The following ZNF114 variants were observed in gnomAD, a reference collection of about 807,000 sequenced individuals.
ZNF114 encodes zinc finger protein 114 (Y18).
In ZNF114, 8 loss-of-function variants were observed where a neutral mutation model predicts 6.8. The observed-to-expected ratio is 1.18, with a 90% confidence interval of 0.69 to 2.13. ZNF114 has a LOEUF of 2.13. Ranked by LOEUF, ZNF114 falls within the 30% of genes most tolerant of loss-of-function variation. The probability of loss-of-function intolerance (pLI) is 0.00; values close to 1 mark genes in which losing one functional copy is unlikely to be tolerated. For synonymous variants in ZNF114, 169 were observed against 185.5 expected (o/e 0.91, Z 0.72); for missense variants, 472 against 519.5 (o/e 0.91, Z 0.89).
chr19:48,277,399 G>T (rs75538939), intron 3 of ZNF114, among the ~76,000 whole-genome samples: 25,504 of 152,076 alleles, frequency 0.17, 2,381 homozygotes, highest in Non-Finnish European at 0.21. Flanking sequence ...GTAGTTTTCC[G>T]TCATCCGTAA....
At chr19:48,279,623 G>T (rs1367938493) in intron 3 of ZNF114, 108 bp from the exon 4 acceptor site, 1 of 715,642 alleles carries the variant, frequency 1.4e-6, no homozygotes, top group South Asian at 1.7e-5. Context: ...GTGGGGAAGT[G>T]TGTGCACACG....
At chr19:48,285,588 AAAG>A (rs1045741843) in intron 5 of ZNF114, among the ~76,000 whole-genome samples, 170 bp from the exon 6 acceptor site, 14 of 149,816 alleles carry the variant, frequency 9.3e-5, no homozygotes, top group African/African-American at 2.0e-4. Flanking sequence ...AAGAAAGAGA[AAAG>A]AAAGAAAGGA....
chr19:48,280,254 C>T (rs573365026), intron 4 of ZNF114, among the ~76,000 whole-genome samples: 2 of 152,080 alleles, frequency 1.3e-5, no homozygotes, highest in African/African-American at 4.8e-5. Flanking sequence ...TGTGGTGGTG[C>T]ACGGCTGTCG....
intron 3 of ZNF114, among the ~76,000 whole-genome samples, chr19:48,277,798 T>G (rs1027480521): frequency 1.6e-5 from 2 of 125,982 alleles, no homozygotes; most frequent in Non-Finnish European, 3.2e-5. Context: ...GCATTGGGTG[T>G]GTGTGTGTGT....
chr19:48,274,504 ATATTT>A (rs1317869528), intron 3 of ZNF114, among the ~76,000 whole-genome samples: 28 of 11,844 alleles, frequency 2.4e-3, no homozygotes, highest in African/African-American at 6.9e-3. Flanking sequence ...ATATATATAT[ATATTT>A]TTTTTTTTTT....
At chr19:48,272,373 T>C (rs1342874366) in intron 3 of ZNF114, among the ~76,000 whole-genome samples, 15 of 143,968 alleles carry the variant, frequency 1.0e-4, no homozygotes, top group East Asian at 6.3e-4. Context: ...AATCGAGCCA[T>C]TGCACTCCAG....
At chr19:48,283,210 T>C (rs1181356803) in intron 5 of ZNF114, among the ~76,000 whole-genome samples, 2 of 152,122 alleles carry the variant, frequency 1.3e-5, no homozygotes, top group African/African-American at 4.8e-5. Context: ...CTCTTCGTGA[T>C]TGAACAGAAT....
At chr19:48,285,668 G>A (rs1968101927) in intron 5 of ZNF114, 93 bp from the exon 6 acceptor site, 1 of 1,301,064 alleles carries the variant, frequency 7.7e-7, no homozygotes, top group African/African-American at 1.5e-5. Flanking sequence ...AAGAAAGAAA[G>A]AGAGAAATCC....
At chr19:48,285,692 C>G in intron 5 of ZNF114, 69 bp from the exon 6 acceptor site, 1 of 1,499,866 alleles carries the variant, frequency 6.7e-7, no homozygotes, top group Admixed American at 2.3e-5. Flanking sequence ...CGGAGATTGC[C>G]TATGTCATCA....
In ZNF114 at chr19:48,286,876, T is replaced by C. The variant is rs140343184; in HGVS notation, c.1252T>C (p.Ter418ArgextTer17). 1.8e-5 allele frequency: 28 copies of C among 1,552,000 alleles called. No individual in the cohort carries two copies. Among genetic ancestry groups the C allele is most frequent in the South Asian group, 3.8e-5 (3 of 79,692 alleles). The part of the protein sequence containing the change: ...KTHKDEKPCE[*>R] ...TCACAAAGATGAGAAGCCCTGTGAATGAAAGGAAGGTGGAAAATTTTTCAT... is the reference window on the plus strand; with the variant it reads ...TCACAAAGATGAGAAGCCCTGTGAACGAAAGGAAGGTGGAAAATTTTTCAT... Residue 418 changes from the stop codon to arginine (R), a stop_lost, in exon 6 of 6, where the codon TGA becomes CGA. Transcript: ENST00000595607.
At chr19:48,272,463 G>A (rs1473281413) in intron 3 of ZNF114, among the ~76,000 whole-genome samples, 3 of 145,356 alleles carry the variant, frequency 2.1e-5, no homozygotes, top group African/African-American at 7.6e-5. Context: ...GCATGGTGGC[G>A]GGCGCCTGTG....
rs372518336 is a variant in ZNF114, at chr19:48,286,788, T to A, written c.1164T>A (p.Tyr388Ter). 22 of 1,610,534 alleles carry A rather than the reference T, an allele frequency of 1.4e-5. No individual in the cohort carries two copies. Among genetic ancestry groups the A allele is most frequent in the Non-Finnish European group, 1.9e-5 (22 of 1,179,224 alleles). ...HIRSHTGEKP[Y>*]KCKTCGKDFA... The stretch of plus-strand genomic sequence containing the variant: ...GGAGCCACACTGGAGAGAAACCCTA[T>A]AAATGTAAGACATGTGGAAAAGACT... The change falls in exon 6 of 6, where the codon TAT becomes TAA. Residue 388 changes from tyrosine to a stop codon, truncating the protein, a stop_gained. Transcript: ENST00000595607. LOFTEE classifies it low-confidence loss of function (END_TRUNC).
intron 1 of ZNF114, among the ~76,000 whole-genome samples, chr19:48,270,807 G>C (rs553351930): frequency 5.9e-5 from 9 of 152,132 alleles, no homozygotes; most frequent in Non-Finnish European, 1.0e-4. Context: ...GGCCGGGCGC[G>C]GTGGCTCACG....
At chr19:48,278,324 C>T (rs1967902335) in intron 3 of ZNF114, among the ~76,000 whole-genome samples, 1 of 152,184 alleles carries the variant, frequency 6.6e-6, no homozygotes, top group Non-Finnish European at 1.5e-5. Context: ...TTTCCATCAC[C>T]CCTGAAAGAA....
At chr19:48,270,562 GAAAGAAA>G (rs1003160254) in intron 1 of ZNF114, among the ~76,000 whole-genome samples, 2 of 127,848 alleles carry the variant, frequency 1.6e-5, no homozygotes, top group African/African-American at 6.0e-5. Flanking sequence ...GGAAGAAAGA[GAAAGAAA>G]AAAGAAAGAA....
At chr19:48,273,906 C>T (rs1276855935) in intron 3 of ZNF114, among the ~76,000 whole-genome samples, 2 of 151,542 alleles carry the variant, frequency 1.3e-5, no homozygotes, top group Non-Finnish European at 2.9e-5. Flanking sequence ...TACAGGCGCC[C>T]GCCACCACGC....
intron 4 of ZNF114, 92 bp downstream of exon 4, chr19:48,279,900 A>G: frequency 6.3e-7 from 1 of 1,597,308 alleles, no homozygotes; most frequent in Non-Finnish European, 8.6e-7. Context: ...GGTAAAGCAC[A>G]TGGAGCCAGG....
rs529594143 is a variant in ZNF114, at chr19:48,279,161, TA to T, written c.-69-561del. 1.7e-4 allele frequency among the ~76,000 whole-genome samples: 26 copies of T among 149,530 alleles called. 1 individual carries two copies. Among genetic ancestry groups the T allele is most frequent in the East Asian group, 1.2e-3 (6 of 5,008 alleles). On this transcript the variant is annotated intron_variant, in intron 3 of 5. Transcript: ENST00000595607. ...CATGATATGCAAATTTCACCTCGAT[TA>T]AAAAAAAATGCTGCTTGAGGCCAGG...
At chr19:48,273,428 G>GCT (rs1555876055) in intron 3 of ZNF114, among the ~76,000 whole-genome samples, 1 of 144,738 alleles carries the variant, frequency 6.9e-6, no homozygotes, top group Non-Finnish European at 1.5e-5. Context: ...TTTCTTTTCT[G>GCT]TTTTTTTTTT....
Sources: allele counts gnomAD v4.1 joint callset (sites outside exome capture counted in the v4.1 genomes callset), GRCh38; gene constraint gnomAD v4.1.1; transcripts MANE v1.5; gene names NCBI Gene and HGNC (gene_info 2026-07-23, HGNC 2026-07-21).